Variants in UGT1A8 observed in about 807,000 individuals in gnomAD.
UGT1A8 encodes UDP-glucuronosyltransferase 1A8.
UGT1A8 carries 39 observed loss-of-function variants against 45.3 expected under a neutral mutation model. The ratio of observed to expected loss-of-function variants is 0.86; its 90% CI spans 0.67 to 1.12. UGT1A8 has a LOEUF of 1.12. UGT1A8 is among the 50% of genes most tolerant of loss of function. UGT1A8 has a pLI of 0.00. For missense variants in UGT1A8, 719 were observed against 664.9 expected (o/e 1.08, Z -0.90); for synonymous variants, 275 against 249.2 (o/e 1.10, Z -0.97).
rs546602425 is a variant in UGT1A8 at position 233,657,877 on chromosome 2, T to C, written c.855+39315T>C. On this transcript the variant is annotated intron_variant, in intron 1 of 4. Coordinates refer to ENST00000373450, the MANE Select transcript of UGT1A8 (RefSeq NM_019076.5). ...TTCATTATTGAGGTTTAAAAGTTATTTATATATTCTGGATATTTATACTTT... is the reference window on the plus strand; with the variant it reads ...TTCATTATTGAGGTTTAAAAGTTATCTATATATTCTGGATATTTATACTTT... 5.3e-5 allele frequency among the ~76,000 whole-genome samples: 8 copies of C among 152,300 alleles called. No individual in the cohort carries two copies. The East Asian group carries it at 1.5e-3, about 29-fold the overall frequency.
In UGT1A8 at chr2:233,772,133, A is replaced by G. The variant is rs1203476934; in HGVS notation, c.1296-129A>G. ...GTATCTAAAAACAACAACAACAACA[A>G]TAATAGAAACAGGTTTCCTTTCCCA... On this transcript the variant is annotated intron_variant, in intron 4 of 4. Coordinates refer to ENST00000373450, the MANE Select transcript of UGT1A8 (RefSeq NM_019076.5). 1.9e-6 allele frequency: 3 copies of G among 1,545,744 alleles called. No homozygotes were observed. In the East Asian group the frequency reaches 7.3e-5, roughly 38 times the overall value.
Position 233,660,663 on chromosome 2 carries a change from C to T in UGT1A8, c.855+42101C>T, listed in dbSNP as rs183151199. Among the ~76,000 whole-genome samples the T allele has an allele frequency of 4.6e-5, 7 of 151,810 alleles. No homozygotes were observed. The South Asian group carries it at 6.3e-4, about 14-fold the overall frequency. The stretch of plus-strand genomic sequence containing the variant: ...TAAATTGGACTGTATTTGCATAAGA[C>T]GACAGAGTTAGTCTATCTCTTCCTG... On this transcript the variant is annotated intron_variant, in intron 1 of 4. Coordinates refer to ENST00000373450, the MANE Select transcript of UGT1A8 (RefSeq NM_019076.5).
At chr2:233,693,870 G>A in intron 1 of UGT1A8, 1 of 1,614,164 alleles carries the variant, frequency 6.2e-7, no homozygotes, top group Non-Finnish European at 8.5e-7. Flanking sequence ...TCTCAGGTTG[G>A]TGGGTTTATT....
chr2:233,760,609 C>T lies in UGT1A8; in HGVS notation c.856-6425C>T, dbSNP rs587784538. 50 of 1,614,060 alleles carry T rather than the reference C, an allele frequency of 3.1e-5. 1 individual carries two copies. The South Asian group carries it at 3.7e-4, about 12-fold the overall frequency. On this transcript the variant is annotated intron_variant, in intron 1 of 4. Transcript: ENST00000373450. Reference sequence around the variant, plus strand: ...TTTTGAGAATGATTCTTTCCTGCAGCGTGTGATCAAAACATACAAGAAAAT... The same window carrying T: ...TTTTGAGAATGATTCTTTCCTGCAGTGTGTGATCAAAACATACAAGAAAAT...
chr2:233,661,038 C>T (rs1389645495), intron 1 of UGT1A8, among the ~76,000 whole-genome samples: 2 of 151,872 alleles, frequency 1.3e-5, no homozygotes, highest in African/African-American at 2.4e-5. Context: ...TATAGGTATG[C>T]CTTTCTTATA....
At chr2:233,624,987 C>T (rs2073066598) in intron 1 of UGT1A8, among the ~76,000 whole-genome samples, 3 of 151,914 alleles carry the variant, frequency 2.0e-5, no homozygotes, top group South Asian at 4.2e-4. Flanking sequence ...GGGACCAACC[C>T]GTGTGAAGTA....
chr2:233,705,451 A>AT (rs1396968859), intron 1 of UGT1A8, among the ~76,000 whole-genome samples: 2 of 152,158 alleles, frequency 1.3e-5, no homozygotes, highest in Non-Finnish European at 2.9e-5. Flanking sequence ...AATTGCACAT[A>AT]TTTTTTAGCA....
At chr2:233,679,006 C>T (rs184095276) in intron 1 of UGT1A8, among the ~76,000 whole-genome samples, 3 of 152,324 alleles carry the variant, frequency 2.0e-5, no homozygotes, top group African/African-American at 7.2e-5. Flanking sequence ...ACAGTGGCAT[C>T]TTCAGTGGTG....
At chr2:233,751,090 G>C (rs1035981747) in intron 1 of UGT1A8, among the ~76,000 whole-genome samples, 2 of 151,962 alleles carry the variant, frequency 1.3e-5, no homozygotes, top group African/African-American at 2.4e-5. Context: ...GCAGCCAGGA[G>C]GAGGGCTTTG....
chr2:233,648,029 A>G (rs890690867), intron 1 of UGT1A8: 3 of 1,597,654 alleles, frequency 1.9e-6, no homozygotes, highest in Non-Finnish European at 2.6e-6. Flanking sequence ...GTGAGTTGGC[A>G]ACTGGGAAGA....
intron 1 of UGT1A8, among the ~76,000 whole-genome samples, chr2:233,699,435 T>C (rs2075505812): frequency 6.6e-6 from 1 of 152,214 alleles, no homozygotes; most frequent in African/African-American, 2.4e-5. Context: ...GAAGGGTCAT[T>C]GGAGTGTTTT....
chr2:233,647,048 A>G (rs986082998), intron 1 of UGT1A8, among the ~76,000 whole-genome samples: 1 of 152,222 alleles, frequency 6.6e-6, no homozygotes, highest in Non-Finnish European at 1.5e-5. Flanking sequence ...AGAAAGTCAC[A>G]TCCTCCATGG....
intron 1 of UGT1A8, among the ~76,000 whole-genome samples, chr2:233,704,622 G>C (rs1418353770): frequency 6.6e-6 from 1 of 152,090 alleles, no homozygotes; most frequent in African/African-American, 2.4e-5. Flanking sequence ...TATAGAGTTT[G>C]TTATATTAAC....
chr2:233,767,309 T>A, intron 2 of UGT1A8, 144 bp downstream of exon 2: 2 of 1,517,866 alleles, frequency 1.3e-6, no homozygotes, highest in Non-Finnish European at 8.7e-7. Context: ...CCAAAGGTTT[T>A]TTTTGTTGTT....
At chr2:233,661,632 T>TTTCTTTCC (rs975038223) in intron 1 of UGT1A8, among the ~76,000 whole-genome samples, 1 of 121,306 alleles carries the variant, frequency 8.2e-6, no homozygotes, top group Non-Finnish European at 1.8e-5. Context: ...ATTTTCTTTC[T>TTTCTTTCC]TTCTTTCTTT....
chr2:233,724,791 C>T (rs1433624542), intron 1 of UGT1A8, among the ~76,000 whole-genome samples: 3 of 139,654 alleles, frequency 2.1e-5, no homozygotes, highest in Non-Finnish European at 4.6e-5. Context: ...ACTTCCCAGA[C>T]GGGGTGGCGG....
At chr2:233,660,739 G>A (rs866319992) in intron 1 of UGT1A8, among the ~76,000 whole-genome samples, 18 of 152,192 alleles carry the variant, frequency 1.2e-4, no homozygotes, top group Admixed American at 2.0e-4. Flanking sequence ...TGTCTTTTGT[G>A]GCATTTTTTT....
intron 1 of UGT1A8, among the ~76,000 whole-genome samples, chr2:233,759,599 A>ACCCCCCCCCCCCCCCCCC (rs1553620419): frequency 9.2e-6 from 1 of 108,664 alleles, no homozygotes; most frequent in African/African-American, 3.3e-5. Flanking sequence ...CCCACCCCCG[A>ACCCCCCCCCCCCCCCCCC]CCCGCCCCAC....
intron 1 of UGT1A8, among the ~76,000 whole-genome samples, chr2:233,759,071 G>A (rs574786378): frequency 6.6e-6 from 1 of 152,312 alleles, no homozygotes; most frequent in South Asian, 2.1e-4. Context: ...AAGGAATTTG[G>A]AAGAAAGAGA....
Sources: allele counts gnomAD v4.1 joint callset (sites outside exome capture counted in the v4.1 genomes callset), GRCh38; gene constraint gnomAD v4.1.1; transcripts MANE v1.5; gene names NCBI Gene and HGNC (gene_info 2026-07-23, HGNC 2026-07-21).